The following THSD7A variants were observed in gnomAD, a reference collection of about 807,000 sequenced individuals.
THSD7A encodes thrombospondin type 1 domain containing 7A, also known as thrombospondin type-1 domain-containing protein 7A.
A neutral mutation model predicts 231.3 loss-of-function variants in THSD7A; 96 were observed. The observed-to-expected ratio is 0.41, with a 90% CI of 0.35 to 0.49. THSD7A has a LOEUF of 0.49. THSD7A is among the 20% of genes least tolerant of loss of function. The pLI is 0.05. For synonymous variants in THSD7A, 940 were observed against 743.3 expected, an observed-to-expected ratio of 1.26 and a Z score of -4.30; for missense variants, 2,290 against 2,070.2, an observed-to-expected ratio of 1.11 and a Z score of -2.06.
intron 1 of THSD7A, among the ~76,000 whole-genome samples, chr7:11,822,383 CTTT>C (rs1441745972): frequency 6.6e-6 from 1 of 152,084 alleles, no homozygotes; most frequent in Non-Finnish European, 1.5e-5. Context: ...TAATTTTATT[CTTT>C]TTATGGCTGA....
intron 1 of THSD7A, among the ~76,000 whole-genome samples, chr7:11,732,630 C>A (rs2128157735): frequency 6.6e-6 from 1 of 151,836 alleles, no homozygotes; most frequent in African/African-American, 2.4e-5. Flanking sequence ...ATTTATAAAA[C>A]CACCACTTCC....
chr7:11,448,978 A>G (rs1027513377), intron 11 of THSD7A, among the ~76,000 whole-genome samples: 1 of 152,092 alleles, frequency 6.6e-6, no homozygotes, highest in Non-Finnish European at 1.5e-5. Context: ...CAAATAAAAA[A>G]CATTAAGTGT....
At chr7:11,602,784 C>G (rs182135380) in intron 2 of THSD7A, among the ~76,000 whole-genome samples, 1 of 151,442 alleles carries the variant, frequency 6.6e-6, no homozygotes, top group African/African-American at 2.4e-5. Context: ...TTGTATTTTA[C>G]GTAGATTCTG....
At chr7:11,750,014 C>T (rs1165270085) in intron 1 of THSD7A, among the ~76,000 whole-genome samples, 4 of 149,518 alleles carry the variant, frequency 2.7e-5, no homozygotes, top group Non-Finnish European at 5.9e-5. Context: ...TTAAAGTGGC[C>T]AGAATTTTTT....
chr7:11,455,587 G>C (rs914245327), intron 11 of THSD7A, among the ~76,000 whole-genome samples: 22 of 151,814 alleles, frequency 1.4e-4, no homozygotes, highest in African/African-American at 5.3e-4. Flanking sequence ...CAAACTTTCA[G>C]GAATATATAA....
chr7:11,588,556 C>T (rs574554387), intron 4 of THSD7A, among the ~76,000 whole-genome samples: 2 of 152,154 alleles, frequency 1.3e-5, no homozygotes, highest in Admixed American at 1.3e-4. Flanking sequence ...GATATTCTTG[C>T]AATATTCCTT....
chr7:11,489,622 C>T (rs1168836551), intron 6 of THSD7A, among the ~76,000 whole-genome samples: 1 of 152,040 alleles, frequency 6.6e-6, no homozygotes, highest in Non-Finnish European at 1.5e-5. Flanking sequence ...ATGGACTAAT[C>T]ATAGAGAAAA....
At chr7:11,722,032 AT>A (rs1342274261) in intron 1 of THSD7A, among the ~76,000 whole-genome samples, 1 of 151,800 alleles carries the variant, frequency 6.6e-6, no homozygotes, top group Non-Finnish European at 1.5e-5. Flanking sequence ...CTTTTCACTC[AT>A]TGTGAAACCA....
At chr7:11,391,967 A>C (rs892504889) in intron 23 of THSD7A, among the ~76,000 whole-genome samples, 26 of 152,060 alleles carry the variant, frequency 1.7e-4, no homozygotes, top group African/African-American at 6.0e-4. Context: ...TGGGTACCTC[A>C]ATTGGAAATG....
chr7:11,559,520 CAT>C lies in THSD7A; in HGVS notation c.1454-16405_1454-16404del, dbSNP rs200390688. Among the ~76,000 whole-genome samples the C allele has an allele frequency of 4.1e-4, 57 of 139,450 alleles. 1 individual carries two copies. In the South Asian group the frequency reaches 7.7e-3, roughly 19 times the overall value. 91.5% of individuals were successfully genotyped at this position (139,450 alleles called of 152,430 possible). On this transcript the variant is annotated intron_variant, in intron 4 of 27. Coordinates refer to ENST00000423059, the MANE Select transcript of THSD7A (RefSeq NM_015204.3). ...CCATACATATACATATATATAAATC[CAT>C]ATATATATATATAAATCCATATATG...
At chr7:11,387,435 G>A (rs539811270) in intron 23 of THSD7A, among the ~76,000 whole-genome samples, 36 of 152,176 alleles carry the variant, frequency 2.4e-4, no homozygotes, top group South Asian at 4.1e-4. Flanking sequence ...CACATCCCTC[G>A]TAGGTTGTAT....
rs537683373 is a variant in THSD7A at position 11,700,476 on chromosome 7, AT to A, written c.191-63516del. Among the ~76,000 whole-genome samples, 1,062 of 151,410 alleles carry A rather than the reference AT, an allele frequency of 7.0e-3. 5 individuals carry two copies. Among genetic ancestry groups the A allele is most frequent in the Non-Finnish European group, 0.012 (795 of 67,470 alleles). ...TCTAATGCAAAAATTATTAACTCAT[AT>A]GAACAATTAATAAATATATTGACTC... On this transcript the variant is annotated intron_variant, in intron 1 of 27. Transcript: ENST00000423059.
chr7:11,458,722 A>G (rs928782956), intron 11 of THSD7A, among the ~76,000 whole-genome samples: 3 of 152,142 alleles, frequency 2.0e-5, no homozygotes, highest in African/African-American at 7.2e-5. Context: ...GGTAACAAGT[A>G]TTCACTACTA....
chr7:11,649,175 T>C (rs1584144965), intron 1 of THSD7A, among the ~76,000 whole-genome samples: 1 of 152,168 alleles, frequency 6.6e-6, no homozygotes, highest in African/African-American at 2.4e-5. Context: ...GTCATGGAAA[T>C]ACTCAAGCAG....
chr7:11,482,733 T>C (rs75127769), intron 6 of THSD7A, among the ~76,000 whole-genome samples: 14,525 of 152,270 alleles, frequency 0.095, 756 homozygotes, highest in Middle Eastern at 0.14. Context: ...GACCTCGCTG[T>C]GTTTCTCTTC....
chr7:11,487,317 G>C (rs569158663), intron 6 of THSD7A, among the ~76,000 whole-genome samples: 10 of 152,164 alleles, frequency 6.6e-5, no homozygotes, highest in African/African-American at 2.2e-4. Flanking sequence ...TGAGAACTGA[G>C]ATCAGTGGAT....
chr7:11,819,815 GT>G (rs1784815197), intron 1 of THSD7A, among the ~76,000 whole-genome samples: 1 of 152,110 alleles, frequency 6.6e-6, no homozygotes, highest in Non-Finnish European at 1.5e-5. Flanking sequence ...AACCATGGAC[GT>G]TGGTTAATAA....
chr7:11,532,888 G>T (rs963419673), intron 6 of THSD7A, among the ~76,000 whole-genome samples: 2 of 152,108 alleles, frequency 1.3e-5, no homozygotes, highest in Non-Finnish European at 2.9e-5. Context: ...CTGGGAAAAA[G>T]TAAGAAGTGA....
At chr7:11,733,099 C>T (rs1781793311) in intron 1 of THSD7A, among the ~76,000 whole-genome samples, 1 of 151,734 alleles carries the variant, frequency 6.6e-6, no homozygotes, top group Non-Finnish European at 1.5e-5. Flanking sequence ...ACAAGTCAAC[C>T]CCATCTCATG....
Sources: gnomAD v4.1 joint callset for allele counts (sites outside exome capture counted in the v4.1 genomes callset) on GRCh38, gnomAD v4.1.1 for gene constraint, MANE v1.5 for transcripts, NCBI Gene and HGNC (gene_info 2026-07-23, HGNC 2026-07-21) for gene names.